The following CTNND1 variants were observed in gnomAD, a reference collection of about 807,000 sequenced individuals.
CTNND1 encodes catenin delta-1.
Under a neutral mutation model 112.1 loss-of-function variants are expected in CTNND1, and 16 were observed. The ratio of observed to expected loss-of-function variants is 0.14; its 90% CI spans 0.10 to 0.22. The LOEUF (loss-of-function observed/expected upper bound fraction) is 0.22, where lower values mean the gene tolerates loss of function less well. CTNND1 is among the 10% of genes least tolerant of loss of function. CTNND1 has a pLI of 1.00. For synonymous variants in CTNND1, 420 were observed against 446.5 expected (o/e 0.94, Z 0.75); for missense variants, 1,008 against 1,257.0 (o/e 0.80, Z 3.00).
In CTNND1 at chr11:57,809,331, C is replaced by T; in HGVS notation, c.2300C>T (p.Ser767Phe). Residue 767 changes from serine to phenylalanine, a missense_variant, in exon 15 of 21, where the codon TCT becomes TTT. Coordinates refer to ENST00000399050, the MANE Select transcript of CTNND1 (RefSeq NM_001085458.2). Reference protein sequence around the residue: ...KNLPGGQQNSSWNFSEDTVIS... With the variant: ...KNLPGGQQNSFWNFSEDTVIS... The stretch of plus-strand genomic sequence containing the variant: ...CTGCCAGGAGGACAGCAGAACTCCT[C>T]TTGGAATTTCTCTGAGGACACTGTC... The T allele has an allele frequency of 6.2e-7, 1 of 1,613,980 alleles. No individual in the cohort carries two copies. Among genetic ancestry groups the T allele is most frequent in the Non-Finnish European group, 8.5e-7 (1 of 1,179,850 alleles).
At chr11:57,810,055 G>T in intron 15 of CTNND1, 54 bp from the exon 16 acceptor site, 1 of 1,409,936 alleles carries the variant, frequency 7.1e-7, no homozygotes, top group South Asian at 1.2e-5. Flanking sequence ...TAGGGTCTAA[G>T]CTTTTTTCCT....
At chr11:57,797,121 G>A in intron 6 of CTNND1, 129 bp downstream of exon 6, 1 of 677,956 alleles carries the variant, frequency 1.5e-6, no homozygotes, top group East Asian at 3.2e-5. Flanking sequence ...GCTTTTTTTT[G>A]GGGTGAAAAG....
At position 57,794,010 on chromosome 11, in the gene CTNND1, A is replaced by G; in HGVS notation, c.196A>G (p.Asn66Asp). Residue 66 changes from asparagine to aspartate, a missense_variant and splice_region_variant, in exon 4 of 21, where the codon AAC (asparagine) becomes GAC (aspartate). By Grantham distance (23) the Asn-to-Asp change is conservative (BLOSUM62 1). This residue lies in a region of CTNND1 where 404 missense variants were observed against 457.9 expected (regional missense o/e 0.88). Coordinates refer to ENST00000399050, the MANE Select transcript of CTNND1 (RefSeq NM_001085458.2). ...ANGTLTRRHQ[N>D]GRFVGDADLE... is the part of the protein sequence containing the mutation. ...TGTCTTCTTGTGGGCTGTGTTTCAG[A>G]ACGGCCGGTTTGTGGGCGATGCTGA... is the stretch of plus-strand genomic sequence containing the variant. The G allele has an allele frequency of 6.2e-7, 1 of 1,614,010 alleles. No homozygotes were observed. The highest frequency in any genetic ancestry group is 8.5e-7 in the Non-Finnish European group (1 of 1,179,880).
At chr11:57,782,976 G>C (rs2059735768) in intron 1 of CTNND1, among the ~76,000 whole-genome samples, 1 of 152,210 alleles carries the variant, frequency 6.6e-6, no homozygotes, top group South Asian at 2.1e-4. Flanking sequence ...TACTAGAACT[G>C]TTCTGACTGA....
At chr11:57,814,237 G>C in intron 17 of CTNND1, 74 bp from the exon 18 acceptor site, 1 of 1,049,626 alleles carries the variant, frequency 9.5e-7, no homozygotes, top group African/African-American at 1.6e-5. Flanking sequence ...AGGAGGACCA[G>C]AGAGCAATTT....
intron 6 of CTNND1, among the ~76,000 whole-genome samples, chr11:57,799,991 T>G (rs951188309): frequency 1.4e-5 from 2 of 143,798 alleles, no homozygotes; most frequent in African/African-American, 2.5e-5. Flanking sequence ...TTTTTTTTTT[T>G]TTTTTTTTTT....
In CTNND1 at chr11:57,762,098, C is replaced by G. The variant is rs1949969344; in HGVS notation, c.-235C>G. 1 of 985,350 alleles carries G rather than the reference C, an allele frequency of 1.0e-6. No individual in the cohort carries two copies. The highest frequency in any genetic ancestry group is 1.2e-6 in the Non-Finnish European group (1 of 829,904). 61.0% of individuals were successfully genotyped at this position (985,350 alleles called of 1,614,324 possible). A position where few individuals can be genotyped will look rare whatever the true frequency, so the allele number is the denominator to read the frequency against. ...GTACTGACGGGAAAAGGAGGATAAG[C>G]AAGTCGAATTTTTGTCTTACGGTAA... On this transcript the variant is annotated 5_prime_UTR_variant, in exon 1 of 21. Transcript: ENST00000399050.
intron 11 of CTNND1, 151 bp downstream of exon 11, chr11:57,806,629 G>A (rs1382913672): frequency 1.4e-6 from 1 of 719,756 alleles, no homozygotes; most frequent in African/African-American, 1.8e-5. Flanking sequence ...GCTCTTTGGA[G>A]CTAATAGCTC....
intron 3 of CTNND1, among the ~76,000 whole-genome samples, chr11:57,792,117 T>C (rs763723442): frequency 2.6e-5 from 4 of 152,192 alleles, no homozygotes; most frequent in Non-Finnish European, 4.4e-5. Flanking sequence ...TGTGGCAGTA[T>C]CCATAAATTG....
chr11:57,778,566 C>T (rs1045072082), intron 1 of CTNND1, among the ~76,000 whole-genome samples: 3 of 152,204 alleles, frequency 2.0e-5, no homozygotes, highest in Admixed American at 6.5e-5. Flanking sequence ...GAGCTTTGTC[C>T]TACGTAGTGT....
intron 19 of CTNND1, 87 bp downstream of exon 19, chr11:57,815,587 G>A (rs2063867819): frequency 8.9e-7 from 1 of 1,126,700 alleles, no homozygotes; most frequent in Admixed American, 1.7e-5. Flanking sequence ...AAAAAGTACA[G>A]AGAAAGATCG....
At chr11:57,808,582 A>G (rs2137395332) in intron 14 of CTNND1, 42 bp downstream of exon 14, 1 of 1,509,366 alleles carries the variant, frequency 6.6e-7, no homozygotes, top group Middle Eastern at 1.8e-4. Flanking sequence ...AATTTAGTAC[A>G]GTGTTTGTAG....
At chr11:57,803,376 C>T (rs769129241) in intron 7 of CTNND1, among the ~76,000 whole-genome samples, 16 of 152,230 alleles carry the variant, frequency 1.1e-4, no homozygotes, top group Non-Finnish European at 1.5e-4. Context: ...GCGTGAGCCA[C>T]CACACCCAGC....
At chr11:57,810,997 A>G (rs1309723321) in intron 16 of CTNND1, among the ~76,000 whole-genome samples, 1 of 152,090 alleles carries the variant, frequency 6.6e-6, no homozygotes, top group African/African-American at 2.4e-5. Context: ...TTACTCCTCA[A>G]AAGGATGATG....
In CTNND1 at chr11:57,788,889, A is replaced by C. The variant is rs1406280635; in HGVS notation, c.-213-148A>C. On this transcript the variant is annotated intron_variant, in intron 1 of 20. Coordinates refer to ENST00000399050, the MANE Select transcript of CTNND1 (RefSeq NM_001085458.2). This position sits in a 1 kb window ranked among gnomAD's most constrained non-coding sequence, Gnocchi z 4.1. The stretch of plus-strand genomic sequence containing the variant: ...GGTATCTGAACACAACAAGGTCTAA[A>C]GGGCACTTGTCACATTAAGCAATTC... 32 of 668,358 alleles carry C rather than the reference A, an allele frequency of 4.8e-5. No individual in the cohort carries two copies. The highest frequency in any genetic ancestry group is 5.5e-5 in the Non-Finnish European group (21 of 378,804). The allele number at this position is 668,358 out of a possible 1,614,324, so 41.4% of individuals were successfully genotyped here. A position where few individuals can be genotyped will look rare whatever the true frequency, so the allele number is the denominator to read the frequency against.
chr11:57,804,884 A>C lies in CTNND1; in HGVS notation c.1722+104A>C, dbSNP rs553036764. The stretch of plus-strand genomic sequence containing the variant: ...TCATCTCAGGCTTTCAAGTAACATT[A>C]AATATTTATACTGTCCCCTACCCCT... On this transcript the variant is annotated intron_variant, in intron 9 of 20. Coordinates refer to ENST00000399050, the MANE Select transcript of CTNND1 (RefSeq NM_001085458.2). 5.2e-5 allele frequency: 42 copies of C among 800,504 alleles called. No individual in the cohort carries two copies. The Admixed American group carries it at 9.6e-4, about 18-fold the overall frequency. The allele number at this position is 800,504 out of a possible 1,614,324, so 49.6% of individuals were successfully genotyped here. A position where few individuals can be genotyped will look rare whatever the true frequency, so the allele number is the denominator to read the frequency against.
At chr11:57,805,655 C>A (rs780230290) in intron 9 of CTNND1, among the ~76,000 whole-genome samples, 1 of 152,092 alleles carries the variant, frequency 6.6e-6, no homozygotes, top group African/African-American at 2.4e-5. Context: ...TTCAGTCACA[C>A]ACCAAATAGT....
At chr11:57,802,271 A>T (rs1591569741) in intron 7 of CTNND1, 75 bp downstream of exon 7, 9 of 1,309,014 alleles carry the variant, frequency 6.9e-6, no homozygotes, top group African/African-American at 4.4e-5. Flanking sequence ...AGGGATTTCC[A>T]GACCTTTTAC....
chr11:57,787,951 A>G (rs2060307000), intron 1 of CTNND1, among the ~76,000 whole-genome samples: 1 of 152,210 alleles, frequency 6.6e-6, no homozygotes, highest in Non-Finnish European at 1.5e-5. Flanking sequence ...TTGCAGGGCC[A>G]TTTATGGCCA....
Sources: gnomAD v4.1 joint callset for allele counts (sites outside exome capture counted in the v4.1 genomes callset) on GRCh38, gnomAD v4.1.1 for gene constraint, gnomAD v4.1.1 regional missense constraint, Gnocchi (gnomAD v3.1) non-coding constraint, MANE v1.5 for transcripts, NCBI Gene and HGNC (gene_info 2026-07-23, HGNC 2026-07-21) for gene names.